The following NFIC variants were observed in gnomAD, a reference collection of about 807,000 sequenced individuals.
The protein encoded by NFIC is nuclear factor 1 C-type.
Under a neutral mutation model 54.4 loss-of-function variants are expected in NFIC, and 12 were observed. The ratio of observed to expected loss-of-function variants is 0.22; its 90% CI spans 0.14 to 0.36. NFIC has a LOEUF of 0.36. Among genes scored for constraint, NFIC ranks in the 10% least tolerant of loss-of-function variants. NFIC has a pLI of 1.00. For missense variants in NFIC, 575 were observed against 718.2 expected (o/e 0.80, Z 2.28); for synonymous variants, 322 against 319.2 (o/e 1.01, Z -0.09).
At chr19:3,456,452 G>C (rs2082557711) in intron 9 of NFIC, 98 bp from the exon 10 acceptor site, 2 of 1,181,848 alleles carry the variant, frequency 1.7e-6, no homozygotes, top group African/African-American at 1.5e-5. Context: ...AGGCCCGGCT[G>C]TGTGACGCCT....
intron 2 of NFIC, among the ~76,000 whole-genome samples, chr19:3,404,785 C>T (rs148677452): frequency 6.3e-4 from 96 of 152,356 alleles, no homozygotes; most frequent in Non-Finnish European, 1.2e-3. Context: ...CAGCACGGGG[C>T]GAGTCCCTAC....
upstream of NFIC, among the ~76,000 whole-genome samples, chr19:3,362,655 C>CA (rs2080825546): frequency 1.3e-5 from 2 of 152,028 alleles, no homozygotes; most frequent in African/African-American, 4.8e-5. Flanking sequence ...CTGTACCAGC[C>CA]TCAACGGCCT....
chr19:3,434,905 C>A, intron 5 of NFIC, 178 bp from the exon 6 acceptor site: 1 of 778,230 alleles, frequency 1.3e-6, no homozygotes, highest in Non-Finnish European at 2.0e-6. Context: ...AAGCAATGGA[C>A]AGGTTGGAAC....
rs1055499752 is a variant in NFIC at position 3,370,898 on chromosome 19, G to A, written c.30+4232G>A. Among the ~76,000 whole-genome samples the A allele has an allele frequency of 6.6e-6, 1 of 152,184 alleles. No homozygotes were observed. The highest frequency in any genetic ancestry group is 1.5e-5 in the Non-Finnish European group (1 of 68,038). ...TCACCTGGGTGCCCATCTGCCCTGA[G>A]CACACAGCGTGCGGGCACCCAAGTC... On this transcript the variant is annotated intron_variant, in intron 1 of 10. Transcript: ENST00000443272. This position sits in a 1 kb window ranked among gnomAD's most constrained non-coding sequence, Gnocchi z 5.2.
intron 3 of NFIC, among the ~76,000 whole-genome samples, chr19:3,427,342 A>G (rs1483712486): frequency 1.3e-5 from 2 of 152,114 alleles, no homozygotes; most frequent in African/African-American, 4.8e-5. Context: ...TCCCCAGTGG[A>G]ATGTCACCTC....
intron 3 of NFIC, among the ~76,000 whole-genome samples, 188 bp from the exon 4 acceptor site, chr19:3,433,330 C>T (rs541488480): frequency 6.6e-6 from 1 of 152,356 alleles, no homozygotes; most frequent in South Asian, 2.1e-4. Context: ...TGTGAAGGCC[C>T]ACACTGGACA....
At chr19:3,462,632 G>A (rs753628505) in intron 10 of NFIC, 120 bp from the exon 11 acceptor site, 2 of 1,125,920 alleles carry the variant, frequency 1.8e-6, no homozygotes, top group East Asian at 2.4e-5. Context: ...GAGGTCACAG[G>A]GTTGCAGGAG....
chr19:3,382,334 G>A, intron 2 of NFIC, 91 bp downstream of exon 2: 2 of 1,502,160 alleles, frequency 1.3e-6, no homozygotes, highest in Non-Finnish European at 1.8e-6. Context: ...GAGGAGGCCA[G>A]TGCGTGTGGG....
chr19:3,458,011 C>T lies in NFIC; in HGVS notation c.1509+1376C>T, dbSNP rs1312365650. ...CCAGGGCTCCAGCCCAGTGCTGGCT[C>T]ACCCACTCTGAACCTCTGTCTCTTC... is the stretch of plus-strand genomic sequence containing the variant. On this transcript the variant is annotated intron_variant, in intron 10 of 10. Transcript: ENST00000443272. The surrounding 1 kb of genome is among the most constrained non-coding windows in gnomAD (Gnocchi z 4.1). 6.6e-6 allele frequency: 1 copy of T among 152,314 alleles called. No homozygotes were observed. The highest frequency in any genetic ancestry group is 1.9e-4 in the East Asian group (1 of 5,178). The allele number at this position is 152,314 out of a possible 1,614,324, so 9.4% of individuals were successfully genotyped here. A position where few individuals can be genotyped will look rare whatever the true frequency, so the allele number is the denominator to read the frequency against.
At chr19:3,419,809 A>T (rs964997715) in intron 2 of NFIC, among the ~76,000 whole-genome samples, 13 of 152,072 alleles carry the variant, frequency 8.5e-5, no homozygotes, top group African/African-American at 3.1e-4. Context: ...AAAAAAAAAA[A>T]AAAATTTAAT....
chr19:3,381,764 C>T lies in NFIC; in HGVS notation c.83C>T (p.Ala28Val). The T allele has an allele frequency of 6.2e-7, 1 of 1,613,846 alleles. No homozygotes were observed. The highest frequency in any genetic ancestry group is 8.5e-7 in the Non-Finnish European group (1 of 1,179,934). Residue 28 changes from alanine to valine, a missense_variant, in exon 2 of 11, where the codon GCC becomes GTC. Transcript: ENST00000443272. Reference sequence around the variant, plus strand: ...CTGCTGCCTCACGTCCGCGCCTTCGCCTACACCTGGTTCAACCTGCAGGCG... The same window carrying T: ...CTGCTGCCTCACGTCCGCGCCTTCGTCTACACCTGGTTCAACCTGCAGGCG... ...EALLPHVRAF[A>V]YTWFNLQARK... is the part of the protein sequence containing the mutation.
At chr19:3,425,405 G>GGGTT (rs2082012296) in intron 3 of NFIC, among the ~76,000 whole-genome samples, 1 of 152,188 alleles carries the variant, frequency 6.6e-6, no homozygotes, top group Non-Finnish European at 1.5e-5. Flanking sequence ...AGACCCCAGA[G>GGGTT]GGTTCTACGG....
At position 3,370,883 on chromosome 19, in the gene NFIC, G is replaced by A. The variant is rs2080995707; in HGVS notation, c.30+4217G>A. On this transcript the variant is annotated intron_variant, in intron 1 of 10. Transcript: ENST00000443272. This position sits in a 1 kb window ranked among gnomAD's most constrained non-coding sequence, Gnocchi z 5.2. The stretch of plus-strand genomic sequence containing the variant: ...GTGTCCACGCCGACCTCACCTGGGT[G>A]CCCATCTGCCCTGAGCACACAGCGT... Among the ~76,000 whole-genome samples the A allele has an allele frequency of 6.6e-6, 1 of 152,196 alleles. No individual in the cohort carries two copies. Among genetic ancestry groups the A allele is most frequent in the Non-Finnish European group, 1.5e-5 (1 of 68,036 alleles).
chr19:3,360,743 CTG>C (rs1261423713), intron 1 of NFIC, among the ~76,000 whole-genome samples: 2 of 152,234 alleles, frequency 1.3e-5, no homozygotes, highest in Non-Finnish European at 2.9e-5. Context: ...GCGCGCGTCC[CTG>C]CGGGACGGTG....
chr19:3,366,575 A>T, upstream of NFIC: 3 of 1,100,816 alleles, frequency 2.7e-6, no homozygotes, highest in Non-Finnish European at 3.9e-6. Flanking sequence ...GGTTTGGAAA[A>T]ATGACTCAGT....
rs188673223 is a variant in NFIC at position 3,425,767 on chromosome 19, T to C, written c.634+590T>C. Among the ~76,000 whole-genome samples the C allele has an allele frequency of 4.5e-3, 676 of 151,156 alleles. 3 individuals are homozygous for C. The highest frequency in any genetic ancestry group is 7.7e-3 in the Non-Finnish European group (525 of 67,754). On this transcript the variant is annotated intron_variant, in intron 3 of 10. Transcript: ENST00000443272. ...GAGCCACCGTGCCCGGCCTGTTTGTTTGTCTTAGAAACGGTCTCACGCTGC... is the reference window on the plus strand; with the variant it reads ...GAGCCACCGTGCCCGGCCTGTTTGTCTGTCTTAGAAACGGTCTCACGCTGC...
In NFIC at chr19:3,463,725, C is replaced by T; in HGVS notation, c.*956C>T. 2 of 982,956 alleles carry T rather than the reference C, an allele frequency of 2.0e-6. No homozygotes were observed. Among genetic ancestry groups the T allele is most frequent in the Non-Finnish European group, 2.4e-6 (2 of 829,586 alleles). The allele number at this position is 982,956 out of a possible 1,614,324, so 60.9% of individuals were successfully genotyped here. On this transcript the variant is annotated 3_prime_UTR_variant, in exon 11 of 11. Coordinates refer to ENST00000443272, the MANE Select transcript of NFIC (RefSeq NM_001245002.2). ...GCACACACTGTAAGAAATGCACTTT[C>T]CGAGGAAGGGGATGGGGGAGCCCGG... is the stretch of plus-strand genomic sequence containing the variant.
At chr19:3,427,078 C>T (rs2082038964) in intron 3 of NFIC, among the ~76,000 whole-genome samples, 1 of 151,980 alleles carries the variant, frequency 6.6e-6, no homozygotes, top group Admixed American at 6.6e-5. Flanking sequence ...AGGCGCCCAC[C>T]ACCACACCCG....
At position 3,448,985 on chromosome 19, in the gene NFIC, G is replaced by A. The variant is rs527660002; in HGVS notation, c.959-29G>A. 247 of 1,601,848 alleles carry A rather than the reference G, an allele frequency of 1.5e-4. 3 individuals carry two copies. In the South Asian group the frequency reaches 2.6e-3, roughly 17 times the overall value. On this transcript the variant is annotated intron_variant, in intron 6 of 10. Coordinates refer to ENST00000443272, the MANE Select transcript of NFIC (RefSeq NM_001245002.2). ...AGGGCTCATGGGGTGTGACCAGCCT[G>A]TGACTCTCTCGTCCCATCCCCTCCA...
Sources: allele counts gnomAD v4.1 joint callset (sites outside exome capture counted in the v4.1 genomes callset), GRCh38; gene constraint gnomAD v4.1.1; non-coding constraint Gnocchi (gnomAD v3.1); transcripts MANE v1.5; gene names NCBI Gene and HGNC (gene_info 2026-07-23, HGNC 2026-07-21).